The following RASIP1 variants were observed in gnomAD, a reference collection of about 807,000 sequenced individuals.
RASIP1 encodes the protein Ras interacting protein 1.
Under a neutral mutation model 85.3 loss-of-function variants are expected in RASIP1, and 20 were observed. The observed-to-expected ratio is 0.23, with a 90% CI of 0.17 to 0.34. The LOEUF is 0.34. Ranked by LOEUF, RASIP1 falls within the 10% of genes least tolerant of loss-of-function variation. RASIP1 has a pLI of 1.00. For synonymous variants in RASIP1, 617 were observed against 647.1 expected (o/e 0.95, Z 0.71); for missense variants, 1,170 against 1,390.9 (o/e 0.84, Z 2.53).
intron 4 of RASIP1, 99 bp from the exon 5 acceptor site, chr19:48,729,689 C>CG: frequency 1.1e-6 from 1 of 905,962 alleles, no homozygotes. Context: ...TTCCCACCAA[C>CG]TTTTTTTTTC....
rs971349211 is a variant in RASIP1, at chr19:48,738,182, T to G, written c.823+778A>C. Among the ~76,000 whole-genome samples, 2 of 152,170 alleles carry G rather than the reference T, an allele frequency of 1.3e-5. No homozygotes were observed. The highest frequency in any genetic ancestry group is 2.9e-5 in the Non-Finnish European group (2 of 68,016). ...CTGGTCTCGAACTCCCAACCTCAGG[T>G]GATCCGCCCGCCTCAGCCTCTCAAA... On this transcript the variant is annotated intron_variant, in intron 3 of 11. Coordinates refer to ENST00000222145, the MANE Select transcript of RASIP1 (RefSeq NM_017805.3). This position sits in a 1 kb window ranked among gnomAD's most constrained non-coding sequence, Gnocchi z 4.0.
At chr19:48,722,151 A>ATGCAGTGTCTTCTGGGCACTGTG in intron 10 of RASIP1, 150 bp from the exon 11 acceptor site, 1 of 733,180 alleles carries the variant, frequency 1.4e-6, no homozygotes, top group Non-Finnish European at 1.9e-6. Context: ...GTTTATCACC[A>ATGCAGTGTCTTCTGGGCACTGTG]AAGTGATGGT....
chr19:48,733,831 G>C (rs1445829096), intron 4 of RASIP1, among the ~76,000 whole-genome samples: 1 of 151,314 alleles, frequency 6.6e-6, no homozygotes, highest in Non-Finnish European at 1.5e-5. Context: ...TGGGGGGGAG[G>C]GGGCAGTGCA....
rs1050036434 is a variant in RASIP1 at position 48,720,839 on chromosome 19, C to T, written c.2851G>A (p.Ala951Thr). 3.7e-6 allele frequency: 6 copies of T among 1,614,086 alleles called. No individual in the cohort carries two copies. The highest frequency in any genetic ancestry group is 4.2e-6 in the Non-Finnish European group (5 of 1,180,026). ...ACGGGAGGCCCATGGCGATAATTGG[C>T]TGGCAGCTCCTGCTGCTCAAGATCC... The part of the protein sequence containing the change: ...LWDLEQQELP[A>T]NYRHGPPVAT... The change falls in exon 12 of 12, where the codon GCC becomes ACC. Residue 951 changes from alanine (A) to threonine (T), a missense_variant. Coordinates refer to ENST00000222145, the MANE Select transcript of RASIP1 (RefSeq NM_017805.3).
Position 48,735,563 on chromosome 19 carries a change from TGGA to T in RASIP1, c.824-15_824-13del, listed in dbSNP as rs1397324932. 1.1e-5 allele frequency: 16 copies of T among 1,518,290 alleles called. No homozygotes were observed. In the South Asian group the frequency reaches 1.4e-4, roughly 13 times the overall value. The allele number at this position is 1,518,290 out of a possible 1,614,324, so 94.1% of individuals were successfully genotyped here. On this transcript the variant is annotated splice_polypyrimidine_tract_variant and intron_variant, in intron 3 of 11. Transcript: ENST00000222145. ...AGGGGCGCCGGTGCCTGCGGAGAGA[TGGA>T]GAACAGTGAGGCTGAGCCTGGAAAG...
chr19:48,726,312 C>G (rs1028521487), intron 8 of RASIP1, among the ~76,000 whole-genome samples: 14 of 152,300 alleles, frequency 9.2e-5, no homozygotes, highest in African/African-American at 3.4e-4. Flanking sequence ...CTGCAACATC[C>G]GCCTCCCAGG....
Position 48,740,069 on chromosome 19 carries a change from G to A in RASIP1, c.137+77C>T. ...GGATGAGGACCGGAGCCAACACTTT[G>A]CAGGGACTGGGCAGTGAACAGGGAC... On this transcript the variant is annotated intron_variant, in intron 2 of 11. Transcript: ENST00000222145. This position sits in a 1 kb window ranked among gnomAD's most constrained non-coding sequence, Gnocchi z 5.5. The A allele has an allele frequency of 6.8e-7, 1 of 1,465,414 alleles. No individual in the cohort carries two copies. Among genetic ancestry groups the A allele is most frequent in the Non-Finnish European group, 9.0e-7 (1 of 1,108,950 alleles). The allele number at this position is 1,465,414 out of a possible 1,614,324, so 90.8% of individuals were successfully genotyped here.
In RASIP1 at chr19:48,724,500, C is replaced by T. The variant is rs2033307360; in HGVS notation, c.2381G>A (p.Arg794Gln). 6 of 1,613,842 alleles carry T rather than the reference C, an allele frequency of 3.7e-6. No individual in the cohort carries two copies. The highest frequency in any genetic ancestry group is 4.2e-6 in the Non-Finnish European group (5 of 1,179,868). Residue 794 changes from arginine (R) to glutamine (Q), a missense_variant, in exon 10 of 12, where the codon CGG (arginine) becomes CAG (glutamine). Arg to Gln is a conservative substitution (Grantham distance 43). Transcript: ENST00000222145. This position sits in a 1 kb window ranked among gnomAD's most constrained non-coding sequence, Gnocchi z 4.6. Reference sequence around the variant, plus strand: ...AGCTCGGGACCATTGATAGAAAGGCCGGCCTTGACCTGTGGGTGTTAAAGG... The same window carrying T: ...AGCTCGGGACCATTGATAGAAAGGCTGGCCTTGACCTGTGGGTGTTAAAGG... ...LNSLMERGQG[R>Q]PFYQWSRAVQ...
At position 48,739,591 on chromosome 19, in the gene RASIP1, C is replaced by G. The variant is rs757579564; in HGVS notation, c.192G>C (p.Pro64=). ...CCACTCGCCGCAGCTCCACGTGCGGCGGGGGCGGAGGTAGCGGCTCGCTGC... is the reference window on the plus strand; with the variant it reads ...CCACTCGCCGCAGCTCCACGTGCGGGGGGGGCGGAGGTAGCGGCTCGCTGC... ...SRSSEPLPPP[P]PHVELRRVGA... Residue 64 remains proline, a synonymous_variant, in exon 3 of 12, where the codon CCG becomes CCC. Transcript: ENST00000222145. This position sits in a 1 kb window ranked among gnomAD's most constrained non-coding sequence, Gnocchi z 9.2. 2.2e-5 allele frequency: 33 copies of G among 1,483,974 alleles called. No homozygotes were observed. The highest frequency in any genetic ancestry group is 8.8e-5 in the South Asian group (7 of 79,326). 91.9% of individuals were successfully genotyped at this position (1,483,974 alleles called of 1,614,324 possible).
rs2033355561 is a variant in RASIP1 at position 48,727,135 on chromosome 19, A to G, written c.1895T>C (p.Val632Ala). The change falls in exon 7 of 12, where the codon GTG becomes GCG. Residue 632 changes from valine (V) to alanine (A), a missense_variant. Transcript: ENST00000222145. ...AGACACAGCTTCAGGAGTCAGGGGC[A>G]CCTCGGGGACCCCCTCAGGGTGGCT... ...PENHPEGVPE[V>A]PLTPEAVSVE... The G allele has an allele frequency of 6.2e-7, 1 of 1,614,052 alleles. No homozygotes were observed. The highest frequency in any genetic ancestry group is 8.5e-7 in the Non-Finnish European group (1 of 1,180,030).
In RASIP1 at chr19:48,727,375, G is replaced by C; in HGVS notation, c.1871+18C>G. On this transcript the variant is annotated intron_variant, in intron 6 of 11. Transcript: ENST00000222145. ...CCCCTGCATCCCTCCAGACCACTCT[G>C]CTCAGAATTTCTCTTACTTTTCTGG... 1 of 1,612,868 alleles carries C rather than the reference G, an allele frequency of 6.2e-7. No individual in the cohort carries two copies. Among genetic ancestry groups the C allele is most frequent in the Non-Finnish European group, 8.5e-7 (1 of 1,178,944 alleles).
intron 4 of RASIP1, among the ~76,000 whole-genome samples, chr19:48,732,702 AT>A (rs2033485120): frequency 6.6e-6 from 1 of 152,116 alleles, no homozygotes; most frequent in Non-Finnish European, 1.5e-5. Context: ...AATGGCTGTT[AT>A]AATATATGCA....
chr19:48,729,109 GCCT>G lies in RASIP1; in HGVS notation c.1658_1660del (p.Glu553del). ...GGCGCGCACGATCTCGCCCAGCAGC[GCCT>G]CCTCCTCGCGCGGCCGGAAGCGCAG... On this transcript the variant is annotated inframe_deletion, in exon 5 of 12. Transcript: ENST00000222145. 1 of 1,372,104 alleles carries G rather than the reference GCCT, an allele frequency of 7.3e-7. No individual in the cohort carries two copies. The allele number at this position is 1,372,104 out of a possible 1,614,324, so 85.0% of individuals were successfully genotyped here.
At chr19:48,733,469 T>C (rs2033499201) in intron 4 of RASIP1, among the ~76,000 whole-genome samples, 1 of 152,176 alleles carries the variant, frequency 6.6e-6, no homozygotes. Flanking sequence ...CCTCCATCAA[T>C]AGTGGTCAAA....
intron 4 of RASIP1, among the ~76,000 whole-genome samples, chr19:48,734,528 C>A (rs190381373): frequency 6.8e-6 from 1 of 147,242 alleles, no homozygotes; most frequent in Non-Finnish European, 1.5e-5. Context: ...TGCTCTGTCT[C>A]CCTGGCTGGA....
Position 48,728,874 on chromosome 19 carries a change from A to C in RASIP1, c.1833+63T>G. 2.2e-6 allele frequency: 3 copies of C among 1,373,114 alleles called. No homozygotes were observed. In the East Asian group the frequency reaches 9.4e-5, roughly 43 times the overall value. The allele number at this position is 1,373,114 out of a possible 1,614,324, so 85.1% of individuals were successfully genotyped here. ...CTATGAAAAGGGTTGAAGGTAGGGA[A>C]GGGAGGCTGGAGAAGGGACTTGGGG... On this transcript the variant is annotated intron_variant, in intron 5 of 11. Transcript: ENST00000222145.
rs746869029 is a variant in RASIP1 at position 48,728,923 on chromosome 19, T to TG, written c.1833+13dup. On this transcript the variant is annotated intron_variant, in intron 5 of 11. Coordinates refer to ENST00000222145, the MANE Select transcript of RASIP1 (RefSeq NM_017805.3). ...GGCGCTGGTGGGGCTGGACGGCGAT[T>TG]GGGGGGCGCTCACCCAGACGGCCTC... is the stretch of plus-strand genomic sequence containing the variant. 4 of 1,432,978 alleles carry TG rather than the reference T, an allele frequency of 2.8e-6. No homozygotes were observed. The highest frequency in any genetic ancestry group is 1.5e-5 in the African/African-American group (1 of 65,876). The allele number at this position is 1,432,978 out of a possible 1,614,324, so 88.8% of individuals were successfully genotyped here.
rs185307764 is a variant in RASIP1, at chr19:48,726,456, C to T, written c.2127+329G>A. On this transcript the variant is annotated intron_variant, in intron 8 of 11. Coordinates refer to ENST00000222145, the MANE Select transcript of RASIP1 (RefSeq NM_017805.3). ...GGCCAGGCTGCTCTCAAACTCCTGACCTCAAGTGATCCACCCGCCTTGACC... is the reference window on the plus strand; with the variant it reads ...GGCCAGGCTGCTCTCAAACTCCTGATCTCAAGTGATCCACCCGCCTTGACC... 3.2e-4 allele frequency among the ~76,000 whole-genome samples: 49 copies of T among 152,196 alleles called. No individual in the cohort carries two copies. The East Asian group carries it at 9.1e-3, about 28-fold the overall frequency.
intron 4 of RASIP1, among the ~76,000 whole-genome samples, chr19:48,734,778 C>T (rs1402861070): frequency 1.3e-5 from 2 of 152,072 alleles, no homozygotes. Flanking sequence ...TGAGCCACTG[C>T]GCCAGGCCTA....
Sources: gnomAD v4.1 joint callset for allele counts (sites outside exome capture counted in the v4.1 genomes callset) on GRCh38, gnomAD v4.1.1 for gene constraint, Gnocchi (gnomAD v3.1) non-coding constraint, MANE v1.5 for transcripts, NCBI Gene and HGNC (gene_info 2026-07-23, HGNC 2026-07-21) for gene names.